The following CSMD1 variants were observed in gnomAD, a reference collection of about 807,000 sequenced individuals.
CSMD1 encodes the protein CUB and sushi domain-containing protein 1.
CSMD1 carries 213 observed loss-of-function variants against 417.5 expected under a neutral mutation model. The ratio of observed to expected loss-of-function variants is 0.51; its 90% CI spans 0.46 to 0.57. The LOEUF is 0.57. Among genes scored for constraint, CSMD1 ranks in the 20% least tolerant of loss-of-function variants. The pLI is 0.00. For missense variants in CSMD1, 6,923 were observed against 4,529.7 expected (o/e 1.53, Z -15.17); for synonymous variants, 2,862 against 1,736.8 (o/e 1.65, Z -16.11).
At chr8:4,962,036 G>T (rs1261252815) in intron 1 of CSMD1, among the ~76,000 whole-genome samples, 1 of 151,532 alleles carries the variant, frequency 6.6e-6, no homozygotes, top group African/African-American at 2.4e-5. Context: ...ATAACTTTGG[G>T]AAGGTTTTTT....
chr8:3,498,730 C>G (rs1012542026), intron 10 of CSMD1, among the ~76,000 whole-genome samples: 1 of 152,078 alleles, frequency 6.6e-6, no homozygotes, highest in African/African-American at 2.4e-5. Context: ...TCCGAAAATC[C>G]TGTCTCCAGG....
At chr8:3,351,691 T>C (rs569211281) in intron 21 of CSMD1, among the ~76,000 whole-genome samples, 18 of 148,944 alleles carry the variant, frequency 1.2e-4, no homozygotes, top group African/African-American at 3.9e-4. Flanking sequence ...CATTAAATGA[T>C]ATACGAATAA....
At chr8:4,467,794 T>C (rs1439325898) in intron 2 of CSMD1, among the ~76,000 whole-genome samples, 5 of 152,130 alleles carry the variant, frequency 3.3e-5, no homozygotes, top group African/African-American at 4.8e-5. Flanking sequence ...ATTTCTTATA[T>C]GGGGAAAGAA....
chr8:4,416,285 C>T (rs899429552), intron 3 of CSMD1, among the ~76,000 whole-genome samples: 1 of 152,056 alleles, frequency 6.6e-6, no homozygotes, highest in Non-Finnish European at 1.5e-5. Context: ...ATAAAGAATA[C>T]AATTAACTTC....
At chr8:3,791,624 G>C (rs1423064140) in intron 5 of CSMD1, among the ~76,000 whole-genome samples, 1 of 152,150 alleles carries the variant, frequency 6.6e-6, no homozygotes, top group Non-Finnish European at 1.5e-5. Flanking sequence ...AGGAGTTCAA[G>C]ACCAGCCTGG....
intron 3 of CSMD1, among the ~76,000 whole-genome samples, chr8:4,157,909 G>T (rs1000186435): frequency 6.6e-6 from 1 of 152,142 alleles, no homozygotes; most frequent in Admixed American, 6.5e-5. Context: ...CTGAACTTGG[G>T]CTTGTCCCTG....
chr8:3,245,679 G>A (rs1237923929), intron 26 of CSMD1, among the ~76,000 whole-genome samples: 1 of 152,182 alleles, frequency 6.6e-6, no homozygotes, highest in Non-Finnish European at 1.5e-5. Flanking sequence ...TCATAAGGAT[G>A]TACAAAGTTT....
chr8:4,907,966 G>C (rs1206353562), intron 1 of CSMD1, among the ~76,000 whole-genome samples: 2 of 152,092 alleles, frequency 1.3e-5, no homozygotes, highest in African/African-American at 4.8e-5. Context: ...TTATGACTCA[G>C]ATATAGGCAT....
chr8:4,057,616 T>C (rs974465961), intron 3 of CSMD1, among the ~76,000 whole-genome samples: 1 of 150,330 alleles, frequency 6.7e-6, no homozygotes, highest in African/African-American at 2.4e-5. Flanking sequence ...CCCATGCCTA[T>C]GTCCTGAATG....
intron 3 of CSMD1, among the ~76,000 whole-genome samples, chr8:4,135,116 G>C (rs539621561): frequency 6.6e-6 from 1 of 152,248 alleles, no homozygotes; most frequent in East Asian, 1.9e-4. Context: ...TTGCATAAAT[G>C]TTCTTGACGC....
intron 26 of CSMD1, among the ~76,000 whole-genome samples, chr8:3,254,465 A>C (rs563002562): frequency 6.6e-6 from 1 of 152,234 alleles, no homozygotes; most frequent in African/African-American, 2.4e-5. Context: ...TATCCTGCAG[A>C]GTGTTTTCCA....
intron 41 of CSMD1, among the ~76,000 whole-genome samples, chr8:3,124,713 C>A (rs547922102): frequency 6.6e-6 from 1 of 152,130 alleles, no homozygotes; most frequent in African/African-American, 2.4e-5. Context: ...ATTGTTCAGA[C>A]CACAGGACGT....
intron 5 of CSMD1, among the ~76,000 whole-genome samples, chr8:3,882,665 T>A (rs1193031843): frequency 1.3e-5 from 2 of 152,170 alleles, no homozygotes; most frequent in East Asian, 3.8e-4. Context: ...AGTTGTGGTA[T>A]GTTCACAAAA....
chr8:3,697,358 T>C (rs955880293), intron 7 of CSMD1, among the ~76,000 whole-genome samples: 4 of 152,242 alleles, frequency 2.6e-5, no homozygotes, highest in African/African-American at 9.6e-5. Context: ...TTAAGAGATA[T>C]GTACTTTTTC....
At chr8:3,615,203 C>T (rs1220763762) in intron 8 of CSMD1, among the ~76,000 whole-genome samples, 3 of 152,100 alleles carry the variant, frequency 2.0e-5, no homozygotes, top group African/African-American at 7.2e-5. Context: ...GGAGAACTTC[C>T]TTGAGCCAAA....
intron 1 of CSMD1, among the ~76,000 whole-genome samples, chr8:4,781,766 A>T (rs897674177): frequency 2.0e-5 from 3 of 152,172 alleles, no homozygotes; most frequent in African/African-American, 7.2e-5. Flanking sequence ...TAATCACAGC[A>T]ATTAATATGT....
At chr8:2,968,492 A>T (rs1804163672) in intron 57 of CSMD1, among the ~76,000 whole-genome samples, 1 of 152,242 alleles carries the variant, frequency 6.6e-6, no homozygotes, top group African/African-American at 2.4e-5. Flanking sequence ...TAATATTGTT[A>T]ATGAATGAGT....
intron 5 of CSMD1, among the ~76,000 whole-genome samples, chr8:3,926,935 C>A (rs1051217513): frequency 6.6e-6 from 1 of 151,558 alleles, no homozygotes; most frequent in African/African-American, 2.4e-5. Context: ...AGGATGGTCT[C>A]AAACTCCTGA....
intron 1 of CSMD1, among the ~76,000 whole-genome samples, chr8:4,862,995 C>T (rs1802225844): frequency 1.3e-5 from 2 of 151,880 alleles, no homozygotes; most frequent in African/African-American, 2.4e-5. Flanking sequence ...CCAGCAAATA[C>T]CCCCGTAGAT....
Sources: gnomAD v4.1 joint callset for allele counts (sites outside exome capture counted in the v4.1 genomes callset) on GRCh38, gnomAD v4.1.1 for gene constraint, MANE v1.5 for transcripts, NCBI Gene and HGNC (gene_info 2026-07-23, HGNC 2026-07-21) for gene names.